Variants in YY1 observed in about 807,000 individuals in gnomAD.
The protein encoded by YY1 is transcriptional repressor protein YY1.
A neutral mutation model predicts 35.6 loss-of-function variants in YY1; 2 were observed. That is an observed-to-expected ratio of 0.06 (90% CI 0.02 to 0.18). The LOEUF is 0.18. YY1 is among the 10% of genes least tolerant of loss of function. YY1 has a pLI of 1.00. For missense variants in YY1, 322 were observed against 573.4 expected (o/e 0.56, Z 4.48); for synonymous variants, 268 against 238.9 (o/e 1.12, Z -1.12).
chr14:100,248,369 G>A (rs1469911830), intron 1 of YY1, among the ~76,000 whole-genome samples: 2 of 151,938 alleles, frequency 1.3e-5, no homozygotes, highest in South Asian at 2.1e-4. Flanking sequence ...TGATCCGCCC[G>A]CCTTGGCCTC....
chr14:100,257,243 T>C (rs1891017956), intron 1 of YY1, among the ~76,000 whole-genome samples: 1 of 152,212 alleles, frequency 6.6e-6, no homozygotes, highest in Non-Finnish European at 1.5e-5. Context: ...TTGACTTCCC[T>C]CACTAGACTG....
At position 100,280,454 on chromosome 14, in the gene YY1, G is replaced by A. The variant is rs1440321421; in HGVS notation, c.*2854G>A. On this transcript the variant is annotated 3_prime_UTR_variant, in exon 5 of 5. Transcript: ENST00000262238. The stretch of plus-strand genomic sequence containing the variant: ...TTATTTCCCCCTTTTTGGTAGTGGA[G>A]TTGAGAGGGGGAGCATACTATTTGT... 4 of 152,094 alleles carry A rather than the reference G, an allele frequency of 2.6e-5. No homozygotes were observed. The highest frequency in any genetic ancestry group is 5.9e-5 in the Non-Finnish European group (4 of 68,010). The allele number at this position is 152,094 out of a possible 1,614,324, so 9.4% of individuals were successfully genotyped here.
At chr14:100,248,121 C>CTTTTTTTTTTTTTTTTTT (rs10694000) in intron 1 of YY1, among the ~76,000 whole-genome samples, 4 of 117,660 alleles carry the variant, frequency 3.4e-5, no homozygotes, top group South Asian at 2.8e-4. Flanking sequence ...ATTTTTTTTT[C>CTTTTTTTTTTTTTTTTTT]TTTTTTTTTT....
chr14:100,271,091 C>A (rs1465206509), intron 2 of YY1, among the ~76,000 whole-genome samples: 1 of 151,960 alleles, frequency 6.6e-6, no homozygotes, highest in East Asian at 1.9e-4. Flanking sequence ...GCTAAAAATA[C>A]AAAATATTAG....
rs527982549 is a variant in YY1, at chr14:100,239,146, C to T, written c.-99C>T. The T allele has an allele frequency of 0.01, 12,101 of 1,152,826 alleles. 73 individuals are homozygous for T. Among genetic ancestry groups the T allele is most frequent in the Non-Finnish European group, 0.011 (10,209 of 917,218 alleles). The allele number at this position is 1,152,826 out of a possible 1,614,324, so 71.4% of individuals were successfully genotyped here. On this transcript the variant is annotated 5_prime_UTR_variant, in exon 1 of 5. Coordinates refer to ENST00000262238, the MANE Select transcript of YY1 (RefSeq NM_003403.5). ...CCCCCCGCCCGCTCGCCGCCTTCCTCCCTCTGCCTTCCTTCCCCACGGCCG... is the reference window on the plus strand; with the variant it reads ...CCCCCCGCCCGCTCGCCGCCTTCCTTCCTCTGCCTTCCTTCCCCACGGCCG...
intron 1 of YY1, among the ~76,000 whole-genome samples, chr14:100,250,178 TGACAA>T (rs1192427134): frequency 6.6e-6 from 1 of 152,240 alleles, no homozygotes; most frequent in Non-Finnish European, 1.5e-5. Context: ...TTGAGAAATG[TGACAA>T]GTTGCCAGAA....
In YY1 at chr14:100,262,450, C is replaced by T. The variant is rs374667239; in HGVS notation, c.826C>T (p.Leu276=). 3.1e-6 allele frequency: 5 copies of T among 1,614,144 alleles called. No homozygotes were observed. Among genetic ancestry groups the T allele is most frequent in the Non-Finnish European group, 4.2e-6 (5 of 1,180,018 alleles). The part of the protein sequence containing the change: ...PGIDLSDPKQ[L]AEFARMKPRK... ...CATTGACCTCTCAGATCCCAAACAA[C>T]TGGCAGAATTTGCTAGGTAAGTTAT... is the stretch of plus-strand genomic sequence containing the variant. The change falls in exon 2 of 5, where the codon CTG becomes TTG. Residue 276 remains leucine, a synonymous_variant. Coordinates refer to ENST00000262238, the MANE Select transcript of YY1 (RefSeq NM_003403.5).
Position 100,279,297 on chromosome 14 carries a change from T to C in YY1, c.*1697T>C, listed in dbSNP as rs1891375903. The stretch of plus-strand genomic sequence containing the variant: ...CAAACTAGCTAATATCCGAGATTTA[T>C]TTACAAATGGCCAGGGACCCCATCA... On this transcript the variant is annotated 3_prime_UTR_variant, in exon 5 of 5. Transcript: ENST00000262238. The C allele has an allele frequency of 1.3e-5, 2 of 152,240 alleles. 1 individual carries two copies. Among genetic ancestry groups the C allele is most frequent in the Non-Finnish European group, 2.9e-5 (2 of 68,058 alleles). 9.4% of individuals were successfully genotyped at this position (152,240 alleles called of 1,614,324 possible).
intron 1 of YY1, among the ~76,000 whole-genome samples, chr14:100,260,493 G>A (rs11620656): frequency 0.037 from 5,264 of 142,274 alleles, 143 homozygotes; most frequent in Non-Finnish European, 0.05. Flanking sequence ...TCTTTTTTGA[G>A]ACAGAGTCTC....
At chr14:100,251,453 G>A (rs892041570) in intron 1 of YY1, among the ~76,000 whole-genome samples, 1 of 152,204 alleles carries the variant, frequency 6.6e-6, no homozygotes, top group Non-Finnish European at 1.5e-5. Context: ...AACTATAAGA[G>A]AATAAATTCC....
In YY1 at chr14:100,277,291, C is replaced by A; in HGVS notation, c.1063-127C>A. Reference sequence around the variant, plus strand: ...TTCTAGACTATATCCACAAAGTTCACCCAGGGCAGGAATGAAAAGTGTTTG... The same window carrying A: ...TTCTAGACTATATCCACAAAGTTCAACCAGGGCAGGAATGAAAAGTGTTTG... On this transcript the variant is annotated intron_variant, in intron 4 of 4. Transcript: ENST00000262238. This position sits in a 1 kb window ranked among gnomAD's most constrained non-coding sequence, Gnocchi z 5.6. The A allele has an allele frequency of 8.3e-7, 1 of 1,211,730 alleles. No homozygotes were observed. Among genetic ancestry groups the A allele is most frequent in the East Asian group, 2.4e-5 (1 of 42,036 alleles). The allele number at this position is 1,211,730 out of a possible 1,614,324, so 75.1% of individuals were successfully genotyped here.
chr14:100,242,488 A>G (rs1890765226), intron 1 of YY1, among the ~76,000 whole-genome samples: 1 of 137,210 alleles, frequency 7.3e-6, no homozygotes, highest in Non-Finnish European at 1.5e-5. Context: ...TCCCGAGTTT[A>G]CGCCATTCTC....
At chr14:100,246,071 CCTCT>C (rs1312654761) in intron 1 of YY1, among the ~76,000 whole-genome samples, 34 of 151,882 alleles carry the variant, frequency 2.2e-4, no homozygotes, top group African/African-American at 7.7e-4. Context: ...AAACTGTGAC[CCTCT>C]CTAAGGCTGT....
At chr14:100,242,680 G>C (rs1443927475) in intron 1 of YY1, among the ~76,000 whole-genome samples, 2 of 151,844 alleles carry the variant, frequency 1.3e-5, no homozygotes, top group African/African-American at 4.8e-5. Context: ...GAGCCACCGC[G>C]CCCAGCCAAG....
intron 2 of YY1, chr14:100,263,737 T>C (rs1272362431): frequency 5.3e-5 from 8 of 152,108 alleles, no homozygotes; most frequent in African/African-American, 1.9e-4. Context: ...TTTTTTCTTT[T>C]GAGAGCAGAG....
At chr14:100,240,934 A>G (rs562294355) in intron 1 of YY1, among the ~76,000 whole-genome samples, 299 of 151,932 alleles carry the variant, frequency 2.0e-3, no homozygotes, top group South Asian at 5.2e-3. Flanking sequence ...AAAGGTATCT[A>G]TTTTCCCCAT....
intron 2 of YY1, chr14:100,265,179 A>G (rs59546992): frequency 0.025 from 3,869 of 152,284 alleles, 162 homozygotes; most frequent in East Asian, 0.085. Context: ...GGAGTTCAAG[A>G]CCAGCCTGGC....
chr14:100,271,536 C>CAGT (rs2139599009), intron 2 of YY1, among the ~76,000 whole-genome samples: 1 of 152,296 alleles, frequency 6.6e-6, no homozygotes, highest in Non-Finnish European at 1.5e-5. Flanking sequence ...TGCTTAGGAA[C>CAGT]AGTAGCACTT....
intron 1 of YY1, among the ~76,000 whole-genome samples, chr14:100,257,488 C>T (rs1891020922): frequency 6.6e-6 from 1 of 152,162 alleles, no homozygotes; most frequent in South Asian, 2.1e-4. Context: ...TCTTAACCCC[C>T]AATGTGATGG....
Sources: allele counts gnomAD v4.1 joint callset (sites outside exome capture counted in the v4.1 genomes callset), GRCh38; gene constraint gnomAD v4.1.1; non-coding constraint Gnocchi (gnomAD v3.1); transcripts MANE v1.5; gene names NCBI Gene and HGNC (gene_info 2026-07-23, HGNC 2026-07-21).